SPTLC3: variants seen among roughly 807,000 people sequenced by gnomAD.
SPTLC3 encodes serine palmitoyltransferase long chain base subunit 3.
In SPTLC3, 36 loss-of-function variants were observed where a neutral mutation model predicts 59.3. The observed-to-expected ratio is 0.61, with a 90% CI of 0.47 to 0.80. The LOEUF is 0.80. Among genes scored for constraint, SPTLC3 ranks in the 30% least tolerant of loss-of-function variants. The pLI is 0.00. For synonymous variants in SPTLC3, 257 were observed against 240.8 expected (o/e 1.07, Z -0.62); for missense variants, 625 against 685.1 (o/e 0.91, Z 0.98).
chr20:13,129,819 C>T (rs1568617901), intron 9 of SPTLC3, among the ~76,000 whole-genome samples: 1 of 152,164 alleles, frequency 6.6e-6, no homozygotes, highest in Non-Finnish European at 1.5e-5. Context: ...TTTTCTTCCC[C>T]TGAGGTAGTA....
Position 13,069,932 on chromosome 20 carries a change from T to A in SPTLC3, c.304-2324T>A, listed in dbSNP as rs1031505412. Among the ~76,000 whole-genome samples the A allele has an allele frequency of 2.7e-4, 41 of 152,200 alleles. 1 individual carries two copies. The highest frequency in any genetic ancestry group is 2.0e-4 in the Admixed American group (3 of 15,292). ...ACTGCTCTCTTTTCTCATGATAGGA[T>A]GAGTTTATAGATTATTATTTCAAAT... On this transcript the variant is annotated intron_variant, in intron 2 of 11. Transcript: ENST00000399002.
chr20:13,050,800 C>T (rs1397517052), intron 2 of SPTLC3: 1 of 152,122 alleles, frequency 6.6e-6, no homozygotes, highest in Non-Finnish European at 1.5e-5. Flanking sequence ...CAATTATCAG[C>T]CAAGAATTTT....
chr20:13,103,263 A>G (rs1989682759), intron 6 of SPTLC3, among the ~76,000 whole-genome samples: 1 of 152,162 alleles, frequency 6.6e-6, no homozygotes, highest in Non-Finnish European at 1.5e-5. Context: ...CCGAAAGGCT[A>G]AAAAAGGGGG....
At chr20:13,090,752 C>T (rs892493546) in intron 4 of SPTLC3, among the ~76,000 whole-genome samples, 2 of 152,140 alleles carry the variant, frequency 1.3e-5, no homozygotes, top group South Asian at 2.1e-4. Context: ...TTTATGTAAA[C>T]GAAATGATAC....
chr20:13,072,659 G>A (rs1451140245), intron 3 of SPTLC3, among the ~76,000 whole-genome samples: 3 of 152,100 alleles, frequency 2.0e-5, no homozygotes, highest in Admixed American at 1.3e-4. Flanking sequence ...GACACACCAA[G>A]CCAGCCAGGA....
intron 5 of SPTLC3, among the ~76,000 whole-genome samples, chr20:13,091,576 A>T (rs1234676541): frequency 7.6e-6 from 1 of 131,084 alleles, no homozygotes; most frequent in Non-Finnish European, 1.8e-5. Flanking sequence ...TGTCTCAAAA[A>T]AAAAAAAAGA....
intron 2 of SPTLC3, among the ~76,000 whole-genome samples, chr20:13,071,811 A>C (rs1166105774): frequency 6.6e-6 from 1 of 152,138 alleles, no homozygotes; most frequent in Non-Finnish European, 1.5e-5. Flanking sequence ...ACAGCTAGCC[A>C]CCCTCGAGTA....
chr20:13,030,654 G>T (rs927769461), intron 1 of SPTLC3, among the ~76,000 whole-genome samples: 1 of 152,036 alleles, frequency 6.6e-6, no homozygotes, highest in Non-Finnish European at 1.5e-5. Flanking sequence ...TAGGAACTGG[G>T]GTACTACTAG....
intron 4 of SPTLC3, among the ~76,000 whole-genome samples, chr20:13,076,470 C>CA (rs1988649569): frequency 6.6e-6 from 1 of 152,042 alleles, no homozygotes; most frequent in Non-Finnish European, 1.5e-5. Context: ...AATATTTAAT[C>CA]ACTAAAAAAT....
intron 7 of SPTLC3, among the ~76,000 whole-genome samples, chr20:13,112,248 CA>C (rs1174016355): frequency 6.6e-6 from 1 of 152,200 alleles, no homozygotes; most frequent in Non-Finnish European, 1.5e-5. Context: ...CTGGAACATC[CA>C]AAATTACCCC....
At chr20:13,121,918 C>T (rs1600321645) in intron 8 of SPTLC3, among the ~76,000 whole-genome samples, 1 of 152,246 alleles carries the variant, frequency 6.6e-6, no homozygotes, top group Non-Finnish European at 1.5e-5. Context: ...ATGACCTTGA[C>T]TTTAAAAAAT....
chr20:13,151,343 A>G (rs2038641935), intron 9 of SPTLC3, among the ~76,000 whole-genome samples: 1 of 152,222 alleles, frequency 6.6e-6, no homozygotes, highest in Non-Finnish European at 1.5e-5. Flanking sequence ...ATGATAGACC[A>G]GTGTATGGCT....
At chr20:13,075,077 T>C (rs1020597673) in intron 4 of SPTLC3, among the ~76,000 whole-genome samples, 2 of 151,656 alleles carry the variant, frequency 1.3e-5, no homozygotes, top group African/African-American at 2.4e-5. Context: ...CTTGTTCTTA[T>C]AGAGTGCTTT....
intron 1 of SPTLC3, among the ~76,000 whole-genome samples, chr20:13,039,230 C>G (rs778065511): frequency 1.3e-5 from 2 of 151,252 alleles, no homozygotes; most frequent in Non-Finnish European, 2.9e-5. Flanking sequence ...ATTAAAGACT[C>G]TAATATTATT....
intron 1 of SPTLC3, among the ~76,000 whole-genome samples, chr20:13,038,925 A>T (rs1439782104): frequency 6.6e-6 from 1 of 151,902 alleles, no homozygotes; most frequent in Non-Finnish European, 1.5e-5. Flanking sequence ...AATGTTGTTT[A>T]ATTTCCACAT....
chr20:13,063,669 T>TTTA (rs1568584443), intron 2 of SPTLC3, among the ~76,000 whole-genome samples: 1 of 90,772 alleles, frequency 1.1e-5, no homozygotes, highest in Non-Finnish European at 2.3e-5. Flanking sequence ...TTATTTATTT[T>TTTA]TTGAGACAGG....
chr20:13,154,311 T>G (rs192269163), intron 10 of SPTLC3, among the ~76,000 whole-genome samples, 173 bp downstream of exon 10: 161 of 152,176 alleles, frequency 1.1e-3, no homozygotes, highest in Non-Finnish European at 2.0e-3. Flanking sequence ...TTCCCACAGG[T>G]CTTATAGAAA....
chr20:13,121,822 A>G (rs1233014056), intron 8 of SPTLC3, among the ~76,000 whole-genome samples: 1 of 152,196 alleles, frequency 6.6e-6, no homozygotes, highest in Non-Finnish European at 1.5e-5. Context: ...CAGTCCAAAA[A>G]AAATAAAATT....
At chr20:13,047,435 G>T (rs1200700702) in intron 1 of SPTLC3, among the ~76,000 whole-genome samples, 2 of 152,068 alleles carry the variant, frequency 1.3e-5, no homozygotes, top group African/African-American at 4.8e-5. Flanking sequence ...TTAAATATTA[G>T]TAGAGATCTG....
Sources: gnomAD v4.1 joint callset for allele counts (sites outside exome capture counted in the v4.1 genomes callset) on GRCh38, gnomAD v4.1.1 for gene constraint, MANE v1.5 for transcripts, NCBI Gene and HGNC (gene_info 2026-07-23, HGNC 2026-07-21) for gene names.